The following GRID2 variants were observed in gnomAD, a reference collection of about 807,000 sequenced individuals.
The protein encoded by GRID2 is glutamate ionotropic receptor delta type subunit 2, also known as glutamate receptor ionotropic, delta-2.
A neutral mutation model predicts 114.8 loss-of-function variants in GRID2; 33 were observed. The observed-to-expected ratio is 0.29, with a 90% CI of 0.22 to 0.38. GRID2 has a LOEUF of 0.38. Ranked by LOEUF, GRID2 falls within the 10% of genes least tolerant of loss-of-function variation. GRID2 has a pLI of 1.00. For synonymous variants in GRID2, 505 were observed against 449.9 expected, an observed-to-expected ratio of 1.12 and a Z score of -1.55; for missense variants, 1,184 against 1,257.7, an observed-to-expected ratio of 0.94 and a Z score of 0.89.
intron 4 of GRID2, among the ~76,000 whole-genome samples, chr4:93,161,208 G>A (rs1360867531): frequency 1.3e-5 from 2 of 151,888 alleles, no homozygotes. Flanking sequence ...ACAGAGAAAG[G>A]GAAAGAGAGA....
chr4:93,177,510 G>A (rs928271253), intron 4 of GRID2, among the ~76,000 whole-genome samples: 2 of 150,728 alleles, frequency 1.3e-5, no homozygotes. Flanking sequence ...TTAAACCCAC[G>A]TATATCCGAT....
chr4:92,780,252 A>G (rs1453661601), intron 2 of GRID2, among the ~76,000 whole-genome samples: 1 of 152,090 alleles, frequency 6.6e-6, no homozygotes, highest in Non-Finnish European at 1.5e-5. Context: ...ATTAATCATT[A>G]TTTTTGTTGT....
Position 93,316,811 on chromosome 4 carries a change from C to T in GRID2, c.1245+78321C>T, listed in dbSNP as rs1020189813. ...ATTTGCACCATTTCTATCCTGATGA[C>T]AGGTGGCACCATTCCAAGAGCCAAT... On this transcript the variant is annotated intron_variant, in intron 8 of 15. Transcript: ENST00000282020. Among the ~76,000 whole-genome samples, 5 of 152,224 alleles carry T rather than the reference C, an allele frequency of 3.3e-5. No individual in the cohort carries two copies. The South Asian group carries it at 1.0e-3, about 32-fold the overall frequency.
At chr4:92,593,740 T>G (rs1336483266) in intron 2 of GRID2, among the ~76,000 whole-genome samples, 1 of 151,816 alleles carries the variant, frequency 6.6e-6, no homozygotes, top group Non-Finnish European at 1.5e-5. Context: ...TTTTTTCCTT[T>G]CTTATGAATG....
At chr4:93,060,576 G>A (rs902118409) in intron 2 of GRID2, among the ~76,000 whole-genome samples, 12 of 152,054 alleles carry the variant, frequency 7.9e-5, no homozygotes, top group Middle Eastern at 3.2e-3. Context: ...GTAATTTCAC[G>A]GGGCCATAAG....
intron 2 of GRID2, among the ~76,000 whole-genome samples, chr4:92,706,014 G>A (rs1238926304): frequency 3.3e-5 from 5 of 152,194 alleles, no homozygotes; most frequent in Admixed American, 6.5e-5. Flanking sequence ...TGATGGTCTA[G>A]ACACCTCATC....
At chr4:92,341,135 G>T (rs1199237650) in intron 1 of GRID2, among the ~76,000 whole-genome samples, 3 of 152,046 alleles carry the variant, frequency 2.0e-5, no homozygotes, top group Admixed American at 1.3e-4. Flanking sequence ...ATATAAAAGC[G>T]CAGTAAGCTG....
chr4:93,593,262 T>A (rs1175778671), intron 13 of GRID2, among the ~76,000 whole-genome samples: 2 of 146,470 alleles, frequency 1.4e-5, no homozygotes, highest in Non-Finnish European at 3.1e-5. Context: ...GGTGACAAAA[T>A]CTTTCAGCAT....
chr4:92,831,111 T>C (rs1301586557), intron 2 of GRID2, among the ~76,000 whole-genome samples: 1 of 152,146 alleles, frequency 6.6e-6, no homozygotes, highest in Non-Finnish European at 1.5e-5. Context: ...TGTTACTATA[T>C]AAGAAGATTC....
intron 8 of GRID2, among the ~76,000 whole-genome samples, chr4:93,295,409 G>A (rs1478284431): frequency 6.6e-6 from 1 of 152,128 alleles, no homozygotes; most frequent in African/African-American, 2.4e-5. Flanking sequence ...GTATCAATCG[G>A]GGTTCAACCA....
At chr4:93,231,547 T>C (rs1746151044) in intron 7 of GRID2, among the ~76,000 whole-genome samples, 1 of 152,098 alleles carries the variant, frequency 6.6e-6, no homozygotes, top group Admixed American at 6.6e-5. Context: ...CTGTGGTACA[T>C]ACTGAGATAC....
At chr4:93,676,358 T>G (rs1311918068) in intron 14 of GRID2, among the ~76,000 whole-genome samples, 1 of 152,210 alleles carries the variant, frequency 6.6e-6, no homozygotes, top group African/African-American at 2.4e-5. Context: ...GCAATGATCT[T>G]TCTAAAAATT....
intron 10 of GRID2, among the ~76,000 whole-genome samples, chr4:93,453,931 C>A (rs771803135): frequency 1.3e-5 from 2 of 151,832 alleles, no homozygotes; most frequent in African/African-American, 2.4e-5. Flanking sequence ...AGTCAGCTCA[C>A]AATAATGAAA....
chr4:92,796,149 A>G (rs1214210557), intron 2 of GRID2, among the ~76,000 whole-genome samples: 1 of 151,786 alleles, frequency 6.6e-6, no homozygotes, highest in East Asian at 2.0e-4. Flanking sequence ...CACTGACAAT[A>G]TTTTCCGTAG....
intron 1 of GRID2, among the ~76,000 whole-genome samples, chr4:92,398,853 G>C (rs749957627): frequency 6.6e-6 from 1 of 152,248 alleles, no homozygotes; most frequent in Admixed American, 6.5e-5. Flanking sequence ...TAATTTAATA[G>C]GCATGTTATG....
In GRID2 at chr4:92,866,216, A is replaced by G. The variant is rs192474480; in HGVS notation, c.245-218779A>G. 5.3e-5 allele frequency among the ~76,000 whole-genome samples: 8 copies of G among 152,200 alleles called. No homozygotes were observed. In the South Asian group the frequency reaches 1.5e-3, roughly 28 times the overall value. On this transcript the variant is annotated intron_variant, in intron 2 of 15. Transcript: ENST00000282020. The stretch of plus-strand genomic sequence containing the variant: ...GGATTTTACAGTCCATCATCACTCA[A>G]ATTGTTGATACAGACATAGATGGCC...
At chr4:92,927,752 C>G (rs1749923198) in intron 2 of GRID2, among the ~76,000 whole-genome samples, 1 of 151,632 alleles carries the variant, frequency 6.6e-6, no homozygotes, top group South Asian at 2.1e-4. Context: ...TTTAATGTTG[C>G]AGATTCTTAT....
chr4:93,772,730 T>G lies in GRID2; in HGVS notation c.*232T>G. On this transcript the variant is annotated 3_prime_UTR_variant, in exon 16 of 16. Coordinates refer to ENST00000282020, the MANE Select transcript of GRID2 (RefSeq NM_001510.4). The stretch of plus-strand genomic sequence containing the variant: ...CCACTTTTTTTCATTACTCAACTTG[T>G]TCCCCAAGAAGGTAGTGTACTAGGA... 2.0e-6 allele frequency: 1 copy of G among 505,462 alleles called. No homozygotes were observed. The highest frequency in any genetic ancestry group is 3.5e-6 in the Non-Finnish European group (1 of 288,010). 31.3% of individuals were successfully genotyped at this position (505,462 alleles called of 1,614,324 possible). A position where few individuals can be genotyped will look rare whatever the true frequency, so the allele number is the denominator to read the frequency against.
chr4:92,957,679 TA>T (rs1192010035), intron 2 of GRID2, among the ~76,000 whole-genome samples: 2 of 152,152 alleles, frequency 1.3e-5, no homozygotes, highest in Non-Finnish European at 2.9e-5. Context: ...ATTTAGTAGA[TA>T]TCTACAAAAT....
Sources: gnomAD v4.1 joint callset for allele counts (sites outside exome capture counted in the v4.1 genomes callset) on GRCh38, gnomAD v4.1.1 for gene constraint, MANE v1.5 for transcripts, NCBI Gene and HGNC (gene_info 2026-07-23, HGNC 2026-07-21) for gene names.